DDOST: variants seen among roughly 807,000 people sequenced by gnomAD.
DDOST encodes dolichyl-diphosphooligosaccharide--protein glycosyltransferase 48 kDa subunit.
DDOST carries 25 observed loss-of-function variants against 47.6 expected under a neutral mutation model. The observed-to-expected ratio is 0.53, with a 90% CI of 0.38 to 0.73. The LOEUF (loss-of-function observed/expected upper bound fraction) is 0.73. Ranked by LOEUF, DDOST falls within the 30% of genes least tolerant of loss-of-function variation. The pLI, the probability that DDOST is intolerant of heterozygous loss-of-function variation, is 0.00. For missense variants in DDOST, 526 were observed against 573.9 expected (o/e 0.92, Z 0.85); for synonymous variants, 275 against 236.0 (o/e 1.17, Z -1.51).
chr1:20,658,202 G>A (rs547095497), intron 2 of DDOST, among the ~76,000 whole-genome samples: 1 of 152,212 alleles, frequency 6.6e-6, no homozygotes, highest in African/African-American at 2.4e-5. Flanking sequence ...GGTTTTTCCC[G>A]GGTATAGAGG....
intron 10 of DDOST, 35 bp downstream of exon 10, chr1:20,652,586 G>T (rs2154534181): frequency 1.2e-6 from 2 of 1,614,104 alleles, no homozygotes; most frequent in East Asian, 4.5e-5. Context: ...CAGGGCACAT[G>T]CTAGCTGAAA....
At chr1:20,658,286 G>T (rs2053397096) in intron 2 of DDOST, among the ~76,000 whole-genome samples, 1 of 152,260 alleles carries the variant, frequency 6.6e-6, no homozygotes, top group Admixed American at 6.5e-5. Flanking sequence ...AGAGGGCAAA[G>T]AAGCCACTGG....
intron 8 of DDOST, 110 bp downstream of exon 8, chr1:20,653,517 C>T: frequency 8.5e-7 from 1 of 1,182,446 alleles, no homozygotes; most frequent in Non-Finnish European, 1.2e-6. Context: ...ACTTATTCAT[C>T]TTTATTTATG....
At position 20,655,457 on chromosome 1, in the gene DDOST, G is replaced by A. The variant is rs769322830; in HGVS notation, c.534C>T (p.Ile178=). 23 of 1,613,608 alleles carry A rather than the reference G, an allele frequency of 1.4e-5. No individual in the cohort carries two copies. Among genetic ancestry groups the A allele is most frequent in the Non-Finnish European group, 1.7e-6 (2 of 1,179,770 alleles). The change falls in exon 5 of 11, where the codon ATC becomes ATT. Residue 178 remains isoleucine (I), a synonymous_variant. Coordinates refer to ENST00000602624, the MANE Select transcript of DDOST (RefSeq NM_005216.5). ...TCACTCACCCAACACCTCGAAAGAG[G>A]ATGGGATTTAGAGATGATTTCCCAA... The part of the protein sequence containing the change: ...TIVGKSSLNP[I]LFRGVGMVAD...
At chr1:20,653,069 G>A in intron 8 of DDOST, 98 bp from the exon 9 acceptor site, 1 of 1,520,992 alleles carries the variant, frequency 6.6e-7, no homozygotes, top group Non-Finnish European at 9.0e-7. Flanking sequence ...GACGAACATG[G>A]CAGGAATGCC....
chr1:20,657,342 C>CA (rs1419313214), intron 2 of DDOST, among the ~76,000 whole-genome samples: 1 of 152,188 alleles, frequency 6.6e-6, no homozygotes, highest in Admixed American at 6.5e-5. Flanking sequence ...GGCAGGATCT[C>CA]ATTCCTATTT....
intron 1 of DDOST, 57 bp from the exon 2 acceptor site, chr1:20,661,048 T>C (rs1328087012): frequency 6.7e-7 from 1 of 1,500,114 alleles, no homozygotes. Context: ...AAACCCCTGC[T>C]GCAGACATCG....
chr1:20,654,900 CCTGGG>C (rs2053351633), intron 5 of DDOST, among the ~76,000 whole-genome samples, 193 bp from the exon 6 acceptor site: 1 of 152,202 alleles, frequency 6.6e-6, no homozygotes, highest in Non-Finnish European at 1.5e-5. Context: ...CGCTCTGCCA[CCTGGG>C]CTGGAGTGCA....
At position 20,652,284 on chromosome 1, in the gene DDOST, TC is replaced by T; in HGVS notation, c.*94del. The T allele has an allele frequency of 7.6e-7, 1 of 1,316,360 alleles. No homozygotes were observed. Among genetic ancestry groups the T allele is most frequent in the South Asian group, 1.6e-5 (1 of 62,828 alleles). The allele number at this position is 1,316,360 out of a possible 1,614,324, so 81.5% of individuals were successfully genotyped here. On this transcript the variant is annotated 3_prime_UTR_variant, in exon 11 of 11. Transcript: ENST00000602624. ...CCACAGAGGTAAAGTTGTGCCATTT[TC>T]CCACGGCTTTAAACAAAGCAAAACA... is the stretch of plus-strand genomic sequence containing the variant.
At chr1:20,655,171 GTTTTTTTTTTT>G (rs869053335) in intron 5 of DDOST, among the ~76,000 whole-genome samples, 2 of 77,214 alleles carry the variant, frequency 2.6e-5, no homozygotes, top group Non-Finnish European at 2.7e-5. Context: ...ACTTTTTTTT[GTTTTTTTTTTT>G]TTTTTTTTTT....
intron 3 of DDOST, 28 bp from the exon 4 acceptor site, chr1:20,655,807 G>A (rs749969715): frequency 6.3e-7 from 1 of 1,597,718 alleles, no homozygotes; most frequent in Non-Finnish European, 8.6e-7. Context: ...ACACCTAGCT[G>A]AGCCCTTACA....
chr1:20,653,966 CTGCACAACAAATACACAAATTTCT>C (rs1287766368), intron 7 of DDOST, among the ~76,000 whole-genome samples, 192 bp from the exon 8 acceptor site: 1 of 152,192 alleles, frequency 6.6e-6, no homozygotes, highest in Non-Finnish European at 1.5e-5. Context: ...TGCTTGTCAT[CTGCACAACAAATACACAAATTTCT>C]AAAAGGAACG....
intron 2 of DDOST, among the ~76,000 whole-genome samples, chr1:20,658,472 T>A (rs888502820): frequency 3.9e-4 from 60 of 152,362 alleles, no homozygotes; most frequent in African/African-American, 1.3e-3. Flanking sequence ...CCTTCCAAAG[T>A]GTGGAACCCA....
At chr1:20,655,398 T>C in intron 5 of DDOST, 42 bp downstream of exon 5, 1 of 1,479,332 alleles carries the variant, frequency 6.8e-7, no homozygotes, top group Non-Finnish European at 9.3e-7. Context: ...GACCCCTTCT[T>C]CCCCCAGGTT....
chr1:20,652,284 T>C lies in DDOST; in HGVS notation c.*95A>G, dbSNP rs1310238417. 4.6e-6 allele frequency: 6 copies of C among 1,316,242 alleles called. No individual in the cohort carries two copies. The Admixed American group carries it at 1.8e-4, about 39-fold the overall frequency. The allele number at this position is 1,316,242 out of a possible 1,614,324, so 81.5% of individuals were successfully genotyped here. On this transcript the variant is annotated 3_prime_UTR_variant, in exon 11 of 11. Transcript: ENST00000602624. ...CCACAGAGGTAAAGTTGTGCCATTT[T>C]CCCACGGCTTTAAACAAAGCAAAAC...
chr1:20,657,252 G>A (rs971112533), intron 2 of DDOST, among the ~76,000 whole-genome samples: 1 of 152,190 alleles, frequency 6.6e-6, no homozygotes, highest in African/African-American at 2.4e-5. Context: ...GTGAAGTGAG[G>A]GCCCAGGCTG....
intron 5 of DDOST, among the ~76,000 whole-genome samples, chr1:20,655,166 TTTTTG>T (rs1425749637): frequency 4.9e-4 from 24 of 48,688 alleles, no homozygotes; most frequent in African/African-American, 1.0e-3. Flanking sequence ...GGCCAACTTT[TTTTTG>T]TTTTTTTTTT....
Position 20,661,336 on chromosome 1 carries a change from G to A in DDOST, c.15C>T (p.Thr5=), listed in dbSNP as rs1184493108. ...AAAAGAGGGCCCAAGCCCGGGCCGC[G>A]GTGCTGGGCTCCATCTTCCTCCTCC... The part of the protein sequence containing the change: MEPS[T]AARAWALFWL... The change falls in exon 1 of 11, where the codon ACC becomes ACT. Residue 5 remains threonine (T), a synonymous_variant. Transcript: ENST00000602624. 1.1e-5 allele frequency: 17 copies of A among 1,613,194 alleles called. No homozygotes were observed. Among genetic ancestry groups the A allele is most frequent in the Non-Finnish European group, 1.4e-5 (16 of 1,179,910 alleles).
rs886045853 is a variant in DDOST, at chr1:20,651,801, T to TTTTTTTTTTTTTATTTATTTA, written c.*577_*578insTAAATAAATAAAAAAAAAAAA. The TTTTTTTTTTTTTATTTATTTA allele has an allele frequency of 3.4e-5, 5 of 147,120 alleles. No individual in the cohort carries two copies. The highest frequency in any genetic ancestry group is 6.0e-5 in the Non-Finnish European group (4 of 67,138). The allele number at this position is 147,120 out of a possible 1,614,324, so 9.1% of individuals were successfully genotyped here. A position where few individuals can be genotyped will look rare whatever the true frequency, so the allele number is the denominator to read the frequency against. On this transcript the variant is annotated 3_prime_UTR_variant, in exon 11 of 11. Transcript: ENST00000602624. The stretch of plus-strand genomic sequence containing the variant: ...GTTTGAGGGCAACATCTCGCTTTAT[T>TTTTTTTTTTTTTATTTATTTA]TTTATTTATTTATTTATTTATTTAT...
Sources: allele counts gnomAD v4.1 joint callset (sites outside exome capture counted in the v4.1 genomes callset), GRCh38; gene constraint gnomAD v4.1.1; transcripts MANE v1.5; gene names NCBI Gene and HGNC (gene_info 2026-07-23, HGNC 2026-07-21).